Variants in RIMS2 observed in about 807,000 individuals in gnomAD.
RIMS2 encodes the protein regulating synaptic membrane exocytosis 2, also known as regulating synaptic membrane exocytosis protein 2.
Under a neutral mutation model 174.4 loss-of-function variants are expected in RIMS2, and 59 were observed. The observed-to-expected ratio is 0.34, with a 90% CI of 0.27 to 0.42. RIMS2 has a LOEUF of 0.42. Ranked by LOEUF, RIMS2 falls within the 10% of genes least tolerant of loss-of-function variation. The pLI is 1.00. For missense variants in RIMS2, 1,620 were observed against 1,666.3 expected, an observed-to-expected ratio of 0.97 and a Z score of 0.48; for synonymous variants, 606 against 572.5, an observed-to-expected ratio of 1.06 and a Z score of -0.84.
intron 3 of RIMS2, among the ~76,000 whole-genome samples, chr8:103,838,346 G>A (rs1432426576): frequency 6.6e-6 from 1 of 152,092 alleles, no homozygotes; most frequent in Non-Finnish European, 1.5e-5. Context: ...TAAACCACAT[G>A]TAAGCAAAAG....
chr8:103,776,862 G>A (rs2098324302), intron 3 of RIMS2, among the ~76,000 whole-genome samples: 1 of 152,100 alleles, frequency 6.6e-6, no homozygotes, highest in Admixed American at 6.6e-5. Flanking sequence ...AGATTAAACA[G>A]CTGTTCTTTT....
chr8:103,606,687 A>G (rs1178355552), intron 1 of RIMS2, among the ~76,000 whole-genome samples: 3 of 151,910 alleles, frequency 2.0e-5, no homozygotes, highest in East Asian at 1.9e-4. Flanking sequence ...GGGTGCTCCT[A>G]TATTGGGTGC....
intron 1 of RIMS2, among the ~76,000 whole-genome samples, chr8:103,636,995 C>T (rs1380947368): frequency 1.3e-5 from 2 of 152,108 alleles, no homozygotes; most frequent in Non-Finnish European, 2.9e-5. Context: ...TAGTTGAGCC[C>T]TTGATTGGGT....
chr8:103,585,121 G>A (rs1022559119), intron 1 of RIMS2, among the ~76,000 whole-genome samples: 1 of 152,126 alleles, frequency 6.6e-6, no homozygotes, highest in Non-Finnish European at 1.5e-5. Context: ...CATTTATGCG[G>A]CCAACAAACA....
At chr8:103,523,398 G>A (rs1586747101) in intron 1 of RIMS2, among the ~76,000 whole-genome samples, 1 of 152,226 alleles carries the variant, frequency 6.6e-6, no homozygotes, top group East Asian at 1.9e-4. Context: ...GTGTGTGTTT[G>A]TGTGTGTCTG....
intron 1 of RIMS2, among the ~76,000 whole-genome samples, chr8:103,688,085 AT>A (rs2096964735): frequency 6.6e-6 from 1 of 152,026 alleles, no homozygotes; most frequent in Non-Finnish European, 1.5e-5. Flanking sequence ...GATGCCTTTT[AT>A]TTCTTTCTTA....
At chr8:104,165,069 T>C (rs1014623351) in intron 19 of RIMS2, among the ~76,000 whole-genome samples, 6 of 152,238 alleles carry the variant, frequency 3.9e-5, no homozygotes, top group Non-Finnish European at 5.9e-5. Flanking sequence ...TGGAGTTTAT[T>C]TCCTTTCTCA....
At chr8:103,543,390 G>A (rs537725483) in intron 1 of RIMS2, among the ~76,000 whole-genome samples, 27 of 152,210 alleles carry the variant, frequency 1.8e-4, no homozygotes, top group Middle Eastern at 3.4e-3. Context: ...TAGATATATC[G>A]TTAATGAATT....
chr8:103,524,822 A>T (rs536662793), intron 1 of RIMS2, among the ~76,000 whole-genome samples: 33 of 152,338 alleles, frequency 2.2e-4, no homozygotes, highest in African/African-American at 7.2e-4. Context: ...CATTGTAGTT[A>T]TCTGGTGCTG....
chr8:104,026,112 A>G (rs1184072245), intron 19 of RIMS2, among the ~76,000 whole-genome samples: 3 of 152,174 alleles, frequency 2.0e-5, no homozygotes, highest in African/African-American at 7.2e-5. Flanking sequence ...ATTAGTAATC[A>G]TGATGCTATT....
At chr8:103,919,380 A>T (rs1346397898) in intron 9 of RIMS2, among the ~76,000 whole-genome samples, 3 of 152,078 alleles carry the variant, frequency 2.0e-5, no homozygotes, top group African/African-American at 7.2e-5. Context: ...ATGAATGAGG[A>T]CAGAGGAATA....
chr8:104,014,679 TTTC>T lies in RIMS2; in HGVS notation c.3334+67_3334+69del, dbSNP rs1371101802. 5 of 938,592 alleles carry T rather than the reference TTTC, an allele frequency of 5.3e-6. No homozygotes were observed. The African/African-American group carries it at 6.5e-5, about 12-fold the overall frequency. 58.1% of individuals were successfully genotyped at this position (938,592 alleles called of 1,614,324 possible). On this transcript the variant is annotated intron_variant, in intron 19 of 23. Transcript: ENST00000504942. Reference sequence around the variant, plus strand: ...CATGGAAGCTAAGGTGAATCAAGATTTTCTTATTACCTTTGTGTTAATTTTCTT... The same window carrying T: ...CATGGAAGCTAAGGTGAATCAAGATTTTATTACCTTTGTGTTAATTTTCTT...
intron 17 of RIMS2, among the ~76,000 whole-genome samples, chr8:104,005,929 T>A (rs1321517007): frequency 6.6e-6 from 1 of 152,024 alleles, no homozygotes; most frequent in African/African-American, 2.4e-5. Flanking sequence ...GACTATGTTC[T>A]ATGTTCTACG....
At chr8:103,697,127 A>C in exon 2 of RIMS2, 2 of 1,613,726 alleles carry the variant, frequency 1.2e-6, no homozygotes, top group Non-Finnish European at 1.7e-6. Flanking sequence ...GAGCAGGTAA[A>C]GAAGATGGGA....
intron 1 of RIMS2, among the ~76,000 whole-genome samples, chr8:103,541,257 C>T (rs1842447457): frequency 6.6e-6 from 1 of 152,160 alleles, no homozygotes; most frequent in Admixed American, 6.5e-5. Flanking sequence ...AAACAAACCA[C>T]ACATAACGTA....
rs927196136 is a variant in RIMS2, at chr8:103,594,248, AT to A, written c.176+93194del. The stretch of plus-strand genomic sequence containing the variant: ...CTTTTTGTGGCCTATTTAGTGCCAC[AT>A]TTTTTTTCATTTTTATGCTCTTTGT... On this transcript the variant is annotated intron_variant, in intron 1 of 23. Transcript: ENST00000504942. Among the ~76,000 whole-genome samples, 7 of 151,224 alleles carry A rather than the reference AT, an allele frequency of 4.6e-5. No homozygotes were observed. In the East Asian group the frequency reaches 9.7e-4, roughly 21 times the overall value.
rs13279952 is a variant in RIMS2, at chr8:103,655,144, C to G, written c.177-41942C>G. On this transcript the variant is annotated intron_variant, in intron 1 of 23. Transcript: ENST00000504942. ...ACTGTATATTCAACTTTGACTTTTC[C>G]TGAGATTTGAGGCATAGAAAATTGA... 2.0e-5 allele frequency among the ~76,000 whole-genome samples: 3 copies of G among 151,576 alleles called. No homozygotes were observed. In the East Asian group the frequency reaches 5.8e-4, roughly 29 times the overall value.
intron 1 of RIMS2, among the ~76,000 whole-genome samples, chr8:103,504,503 G>A (rs896251639): frequency 2.0e-5 from 3 of 152,112 alleles, no homozygotes; most frequent in African/African-American, 7.2e-5. Context: ...TAAATCAATA[G>A]AAAAGTATTC....
intron 19 of RIMS2, among the ~76,000 whole-genome samples, chr8:104,230,154 A>G (rs759977098): frequency 2.6e-5 from 4 of 151,680 alleles, no homozygotes; most frequent in Non-Finnish European, 5.9e-5. Flanking sequence ...TGGTGCATGC[A>G]TGTAATCCCA....
Sources: allele counts gnomAD v4.1 joint callset (sites outside exome capture counted in the v4.1 genomes callset), GRCh38; gene constraint gnomAD v4.1.1; transcripts MANE v1.5; gene names NCBI Gene and HGNC (gene_info 2026-07-23, HGNC 2026-07-21).